The following BCLAF1 variants were observed in gnomAD, a reference collection of about 807,000 sequenced individuals.
BCLAF1 encodes BCL2 associated transcription factor 1, also known as bcl-2-associated transcription factor 1.
In BCLAF1, 10 loss-of-function variants were observed where a neutral mutation model predicts 99.5. That is an observed-to-expected ratio of 0.10 (90% CI 0.06 to 0.17). The LOEUF (loss-of-function observed/expected upper bound fraction) is 0.17, where lower values mean the gene tolerates loss of function less well. Among genes scored for constraint, BCLAF1 ranks in the 10% least tolerant of loss-of-function variants. The pLI is 1.00. For synonymous variants in BCLAF1, 255 were observed against 370.9 expected, an observed-to-expected ratio of 0.69 and a Z score of 3.59; for missense variants, 636 against 1,105.8, an observed-to-expected ratio of 0.58 and a Z score of 6.02.
chr6:136,269,616 TA>T lies in BCLAF1; in HGVS notation c.2044-5del. The stretch of plus-strand genomic sequence containing the variant: ...CACACCTTAATTTTTTATCTCCCTA[TA>T]AAAGACAGATATAAAATACAGATTT... On this transcript the variant is annotated splice_region_variant and splice_polypyrimidine_tract_variant and intron_variant, in intron 8 of 12. Coordinates refer to ENST00000531224, the MANE Select transcript of BCLAF1 (RefSeq NM_014739.3). The T allele has an allele frequency of 1.3e-6, 2 of 1,578,416 alleles. No individual in the cohort carries two copies. The highest frequency in any genetic ancestry group is 1.7e-4 in the Middle Eastern group (1 of 5,874).
At chr6:136,269,082 C>T (rs1782151463) in intron 9 of BCLAF1, 1 of 1,122,912 alleles carries the variant, frequency 8.9e-7, no homozygotes, top group South Asian at 2.0e-5. Flanking sequence ...AATTCTTGTA[C>T]TCTGGGTGTT....
chr6:136,277,746 G>A, intron 4 of BCLAF1, 119 bp downstream of exon 4: 1 of 1,148,342 alleles, frequency 8.7e-7, no homozygotes, highest in Non-Finnish European at 1.1e-6. Flanking sequence ...TAAAATGAAG[G>A]AAGTCAAGAG....
At chr6:136,262,614 G>C (rs1781164200) in intron 11 of BCLAF1, among the ~76,000 whole-genome samples, 1 of 152,090 alleles carries the variant, frequency 6.6e-6, no homozygotes, top group African/African-American at 2.4e-5. Context: ...CCAAACCACT[G>C]AAAGATTACT....
intron 3 of BCLAF1, among the ~76,000 whole-genome samples, chr6:136,279,045 A>G (rs1450429039): frequency 1.4e-5 from 2 of 146,860 alleles, no homozygotes; most frequent in Non-Finnish European, 3.0e-5. Context: ...TATATATATC[A>G]CATGCATTAG....
intron 3 of BCLAF1, 74 bp from the exon 4 acceptor site, chr6:136,278,850 T>A: frequency 7.6e-7 from 1 of 1,323,264 alleles, no homozygotes; most frequent in Non-Finnish European, 9.9e-7. Flanking sequence ...TCTGGTTGAA[T>A]ATAACATGTA....
chr6:136,263,922 A>G (rs1389711336), intron 11 of BCLAF1, among the ~76,000 whole-genome samples: 2 of 152,260 alleles, frequency 1.3e-5, no homozygotes, highest in African/African-American at 4.8e-5. Flanking sequence ...AAATTCAAAA[A>G]GAATGCAACA....
chr6:136,268,316 T>A lies in BCLAF1; in HGVS notation c.2243A>T (p.His748Leu). Residue 748 changes from histidine (H) to leucine (L), a missense_variant, in exon 10 of 13, where the codon CAT becomes CTT. By Grantham distance (99) the His-to-Leu change is moderately conservative (BLOSUM62 -3). This residue lies in a region of BCLAF1 where 180 missense variants were observed against 270.0 expected (regional missense o/e 0.67). Transcript: ENST00000531224. ...DDSKHKREQD[H>L]SRSSSSSASP... is the part of the protein sequence containing the mutation. Reference sequence around the variant, plus strand: ...TGCTGAAGAGGATGAAGATCGAGAATGATCTTGCTCTCTTTTATGTTTACT... The same window carrying A: ...TGCTGAAGAGGATGAAGATCGAGAAAGATCTTGCTCTCTTTTATGTTTACT... 1 of 1,606,854 alleles carries A rather than the reference T, an allele frequency of 6.2e-7. No homozygotes were observed. Among genetic ancestry groups the A allele is most frequent in the South Asian group, 1.1e-5 (1 of 89,860 alleles).
chr6:136,268,529 A>T, intron 9 of BCLAF1, 190 bp from the exon 10 acceptor site: 1 of 573,166 alleles, frequency 1.7e-6, no homozygotes, highest in Non-Finnish European at 3.0e-6. Flanking sequence ...TTTTACATCA[A>T]TAATGAAAAA....
At chr6:136,286,317 T>A (rs797561) in intron 1 of BCLAF1, among the ~76,000 whole-genome samples, 38,036 of 152,098 alleles carry the variant, frequency 0.25, 6,346 homozygotes, top group African/African-American at 0.48. Context: ...ATTCCAGTAG[T>A]CTAGATTCAA....
Position 136,278,190 on chromosome 6 carries a change from G to T in BCLAF1, c.691C>A (p.Pro231Thr). ...NSPRSPHSPS[P>T]IATPPSQSSS... ...CTCTGACTAGGTGGTGTAGCAATAG[G>T]TGAAGGACTATGGGGTGATCTAGGA... The change falls in exon 4 of 13, where the codon CCT (proline) becomes ACT (threonine). Residue 231 changes from proline to threonine, a missense_variant. Around this residue, in one of 9 missense-constraint regions of BCLAF1, gnomAD observed 65 missense variants for 90.9 expected, o/e 0.71. Coordinates refer to ENST00000531224, the MANE Select transcript of BCLAF1 (RefSeq NM_014739.3). The T allele has an allele frequency of 6.2e-7, 1 of 1,614,002 alleles. No homozygotes were observed. Among genetic ancestry groups the T allele is most frequent in the South Asian group, 1.1e-5 (1 of 91,082 alleles).
intron 9 of BCLAF1, chr6:136,269,220 AT>A (rs538497258): frequency 1.0e-3 from 1,363 of 1,343,520 alleles, no homozygotes; most frequent in Admixed American, 2.4e-3. Flanking sequence ...TTAATTTGTC[AT>A]TTTTTTTTTC....
intron 11 of BCLAF1, among the ~76,000 whole-genome samples, chr6:136,264,331 C>T (rs1781432559): frequency 2.0e-5 from 3 of 152,054 alleles, no homozygotes; most frequent in South Asian, 4.2e-4. Flanking sequence ...CTCAGCCTCC[C>T]GAGTAGTTGG....
intron 11 of BCLAF1, among the ~76,000 whole-genome samples, chr6:136,265,308 C>A (rs1781567479): frequency 6.6e-6 from 1 of 152,104 alleles, no homozygotes; most frequent in Non-Finnish European, 1.5e-5. Context: ...CTGGACAGCT[C>A]CATTTCTCCC....
chr6:136,276,962 C>A (rs1416073160), intron 4 of BCLAF1, among the ~76,000 whole-genome samples: 2 of 152,062 alleles, frequency 1.3e-5, no homozygotes, highest in Non-Finnish European at 2.9e-5. Flanking sequence ...TAATTTAATA[C>A]TTTATGAAAA....
At position 136,278,290 on chromosome 6, in the gene BCLAF1, C is replaced by T. The variant is rs746353666; in HGVS notation, c.591G>A (p.Glu197=). Residue 197 remains glutamate (E), a synonymous_variant, in exon 4 of 13, where the codon GAG becomes GAA. Coordinates refer to ENST00000531224, the MANE Select transcript of BCLAF1 (RefSeq NM_014739.3). Reference sequence around the variant, plus strand: ...ATGACTTATTAAATTCATCGATAGACTCAGATGGGTCATGTTCAAATGTAT... The same window carrying T: ...ATGACTTATTAAATTCATCGATAGATTCAGATGGGTCATGTTCAAATGTAT... ...PKDTFEHDPS[E]SIDEFNKSSA... The T allele has an allele frequency of 6.2e-7, 1 of 1,614,162 alleles. No individual in the cohort carries two copies. Among genetic ancestry groups the T allele is most frequent in the Non-Finnish European group, 8.5e-7 (1 of 1,180,006 alleles).
chr6:136,279,307 TCTATG>T (rs1324403221), intron 3 of BCLAF1, among the ~76,000 whole-genome samples: 2 of 152,290 alleles, frequency 1.3e-5, no homozygotes, highest in East Asian at 3.9e-4. Context: ...GTTTCTGTTT[TCTATG>T]CTAAGTATGT....
Position 136,269,540 on chromosome 6 carries a change from T to C in BCLAF1, c.2116A>G (p.Lys706Glu). The C allele has an allele frequency of 1.2e-6, 2 of 1,612,484 alleles. No homozygotes were observed. The highest frequency in any genetic ancestry group is 1.7e-6 in the Non-Finnish European group (2 of 1,179,030). ...GAGCCCTTGGAATCTCCCCGTTCTT[T>C]ACTTCTTTCTTTTCTACGGCGATCA... The part of the protein sequence containing the change: ...DIDRRRKERS[K>E]ERGDSKGSRE... Residue 706 changes from lysine to glutamate, a missense_variant, in exon 9 of 13, where the codon AAA becomes GAA. Transcript: ENST00000531224.
intron 11 of BCLAF1, 55 bp downstream of exon 11, chr6:136,266,974 T>A (rs1476482563): frequency 1.3e-6 from 2 of 1,592,186 alleles, no homozygotes; most frequent in Non-Finnish European, 1.7e-6. Flanking sequence ...TTTATTCACC[T>A]AGTATGCTTC....
chr6:136,280,364 C>T (rs966184470), intron 2 of BCLAF1, among the ~76,000 whole-genome samples: 1 of 152,130 alleles, frequency 6.6e-6, no homozygotes, highest in African/African-American at 2.4e-5. Flanking sequence ...ACTGAACTGA[C>T]CACTCCATAT....
Sources: allele counts gnomAD v4.1 joint callset (sites outside exome capture counted in the v4.1 genomes callset), GRCh38; gene constraint gnomAD v4.1.1; regional missense constraint gnomAD v4.1.1; transcripts MANE v1.5; gene names NCBI Gene and HGNC (gene_info 2026-07-23, HGNC 2026-07-21).